GPR55: variants seen among roughly 807,000 people sequenced by gnomAD.
The protein encoded by GPR55 is G-protein coupled receptor 55.
GPR55 carries 6 observed loss-of-function variants against 7.9 expected under a neutral mutation model. The observed-to-expected ratio is 0.76, with a 90% CI of 0.41 to 1.49. The LOEUF (loss-of-function observed/expected upper bound fraction) is 1.49, where lower values mean the gene tolerates loss of function less well. Ranked by LOEUF, GPR55 falls within the 40% of genes most tolerant of loss-of-function variation. The probability of loss-of-function intolerance (pLI) is 0.01; values close to 1 mark genes in which losing one functional copy is unlikely to be tolerated. For missense variants in GPR55, 376 were observed against 406.0 expected, an observed-to-expected ratio of 0.93 and a Z score of 0.63; for synonymous variants, 183 against 166.8, an observed-to-expected ratio of 1.10 and a Z score of -0.75.
At chr2:230,934,455 T>G (rs1276464633) in intron 1 of GPR55, among the ~76,000 whole-genome samples, 1 of 152,180 alleles carries the variant, frequency 6.6e-6, no homozygotes, top group Non-Finnish European at 1.5e-5. Flanking sequence ...AGCACAAGTA[T>G]CCACTGAAAG....
rs1247672592 is a variant in GPR55 at position 230,908,029 on chromosome 2, G to A, written c.*1974C>T. On this transcript the variant is annotated 3_prime_UTR_variant, in exon 2 of 2. Coordinates refer to ENST00000650999, the MANE Select transcript of GPR55 (RefSeq NM_005683.4). ...CCCAAATGCCCCGTTGCATGTGAAAGTCTGGCTCCCTCAGAGTATCACGGG... is the reference window on the plus strand; with the variant it reads ...CCCAAATGCCCCGTTGCATGTGAAAATCTGGCTCCCTCAGAGTATCACGGG... 7.1e-6 allele frequency: 1 copy of A among 139,876 alleles called. No homozygotes were observed. Among genetic ancestry groups the A allele is most frequent in the Non-Finnish European group, 1.5e-5 (1 of 65,634 alleles). 8.7% of individuals were successfully genotyped at this position (139,876 alleles called of 1,614,324 possible). A position where few individuals can be genotyped will look rare whatever the true frequency, so the allele number is the denominator to read the frequency against.
At position 230,915,184 on chromosome 2, in the gene GPR55, C is replaced by T. The variant is rs560115291; in HGVS notation, c.-134-4088G>A. Among the ~76,000 whole-genome samples the T allele has an allele frequency of 4.6e-5, 7 of 152,346 alleles. No homozygotes were observed. In the South Asian group the frequency reaches 1.4e-3, roughly 32 times the overall value. ...TCACCATGGACCTGAAGCAGCAGAG[C>T]TGCACTGACTGTGGTCAGGGACCCT... On this transcript the variant is annotated intron_variant, in intron 1 of 1. Coordinates refer to ENST00000650999, the MANE Select transcript of GPR55 (RefSeq NM_005683.4).
At chr2:230,912,861 A>G (rs1015668383) in intron 1 of GPR55, among the ~76,000 whole-genome samples, 3 of 152,232 alleles carry the variant, frequency 2.0e-5, no homozygotes, top group Non-Finnish European at 4.4e-5. Context: ...AGCGTAGGAA[A>G]GTCAGCCTCC....
At chr2:230,942,332 C>T (rs115813008) in intron 1 of GPR55, among the ~76,000 whole-genome samples, 2,552 of 152,308 alleles carry the variant, frequency 0.017, 79 homozygotes, top group African/African-American at 0.058. Flanking sequence ...CCCTGCCTCC[C>T]TCAGGGAGTG....
intron 1 of GPR55, among the ~76,000 whole-genome samples, chr2:230,931,181 T>C (rs1164684420): frequency 6.6e-6 from 1 of 152,200 alleles, no homozygotes; most frequent in Non-Finnish European, 1.5e-5. Flanking sequence ...AGTACCTGGC[T>C]CAGTCTTCAT....
upstream of GPR55, among the ~76,000 whole-genome samples, chr2:230,930,158 C>A (rs1355404983): frequency 6.6e-6 from 1 of 152,238 alleles, no homozygotes; most frequent in East Asian, 1.9e-4. Flanking sequence ...CTGTCCAGGC[C>A]ACCAGGTCAC....
chr2:230,951,112 G>T (rs1559180284), intron 1 of GPR55, among the ~76,000 whole-genome samples: 1 of 152,154 alleles, frequency 6.6e-6, no homozygotes. Context: ...CCCAAAGAGG[G>T]CGTTGTGGGA....
At chr2:230,927,698 G>A (rs974542054), upstream of GPR55, among the ~76,000 whole-genome samples, 5 of 152,190 alleles carry the variant, frequency 3.3e-5, no homozygotes, top group East Asian at 1.9e-4. Flanking sequence ...GAGCAGCTTC[G>A]GAGCTTCAGG....
intron 1 of GPR55, among the ~76,000 whole-genome samples, chr2:230,932,976 A>ACTCT (rs1224699934): frequency 4.6e-5 from 7 of 152,212 alleles, no homozygotes; most frequent in Admixed American, 3.9e-4. Context: ...CTGACTTCAG[A>ACTCT]GCCCCAGGAT....
intron 1 of GPR55, among the ~76,000 whole-genome samples, chr2:230,937,230 C>A (rs929901783): frequency 6.6e-6 from 1 of 151,728 alleles, no homozygotes; most frequent in Non-Finnish European, 1.5e-5. Context: ...CATAGTAAGA[C>A]CCCGTCTCTA....
chr2:230,937,728 C>A (rs1299478644), intron 1 of GPR55, among the ~76,000 whole-genome samples: 5 of 152,036 alleles, frequency 3.3e-5, no homozygotes, highest in Non-Finnish European at 7.4e-5. Context: ...CTTGCCCTGG[C>A]TCATTCAAAA....
intron 1 of GPR55, chr2:230,957,547 C>A (rs1455263229): frequency 8.0e-6 from 3 of 374,914 alleles, no homozygotes; most frequent in South Asian, 2.1e-5. Context: ...TTCCTTCTCC[C>A]GCGGCGCCGG....
intron 1 of GPR55, among the ~76,000 whole-genome samples, chr2:230,918,869 G>A (rs1181478955): frequency 6.6e-6 from 1 of 152,100 alleles, no homozygotes; most frequent in Admixed American, 6.5e-5. Context: ...TTCTTACAAA[G>A]AGTAAATTGC....
chr2:230,943,098 A>G (rs1053269733), intron 1 of GPR55, among the ~76,000 whole-genome samples: 1 of 151,224 alleles, frequency 6.6e-6, no homozygotes, highest in Non-Finnish European at 1.5e-5. Context: ...AGAGAGAGAG[A>G]GGAGAGAAAG....
chr2:230,950,816 CG>C lies in GPR55; in HGVS notation c.-135+9958del, dbSNP rs200769516. ...GCAAGGCAGGACTCGTATCTTCCCC[CG>C]CCTTTCTGATTGTGGGTCTTAAGAC... is the stretch of plus-strand genomic sequence containing the variant. On this transcript the variant is annotated intron_variant, in intron 1 of 1. Coordinates refer to the GPR55 transcript ENST00000392039. Among the ~76,000 whole-genome samples the C allele has an allele frequency of 3.7e-3, 561 of 152,140 alleles. 1 individual carries two copies. The highest frequency in any genetic ancestry group is 0.013 in the African/African-American group (527 of 41,514).
intron 1 of GPR55, among the ~76,000 whole-genome samples, chr2:230,930,665 A>G (rs1396969599): frequency 6.6e-6 from 1 of 151,740 alleles, no homozygotes; most frequent in Non-Finnish European, 1.5e-5. Flanking sequence ...AGGTTTTGCC[A>G]TGTTTCCCAG....
At chr2:230,911,194 T>G (rs982919966) in intron 1 of GPR55, 98 bp from the exon 2 acceptor site, 22 of 539,732 alleles carry the variant, frequency 4.1e-5, no homozygotes, top group Non-Finnish European at 6.7e-5. Flanking sequence ...TTTCTCACTC[T>G]CTTTCTACCA....
intron 1 of GPR55, among the ~76,000 whole-genome samples, chr2:230,947,900 CTAAAA>C (rs1223831765): frequency 6.6e-6 from 1 of 152,138 alleles, no homozygotes; most frequent in African/African-American, 2.4e-5. Flanking sequence ...GCGAGGCTTC[CTAAAA>C]TACAAATCTG....
At chr2:230,936,738 C>T (rs1472832432) in intron 1 of GPR55, among the ~76,000 whole-genome samples, 1 of 152,188 alleles carries the variant, frequency 6.6e-6, no homozygotes, top group African/African-American at 2.4e-5. Flanking sequence ...GTCTATAAAA[C>T]CCTTGAGGCC....
Sources: gnomAD v4.1 joint callset for allele counts (sites outside exome capture counted in the v4.1 genomes callset) on GRCh38, gnomAD v4.1.1 for gene constraint, MANE v1.5 for transcripts, NCBI Gene and HGNC (gene_info 2026-07-23, HGNC 2026-07-21) for gene names.